Variants in UBR3 observed in about 807,000 individuals in gnomAD.
UBR3 encodes the protein E3 ubiquitin-protein ligase UBR3.
Under a neutral mutation model 243.2 loss-of-function variants are expected in UBR3, and 85 were observed. That is an observed-to-expected ratio of 0.35 (90% CI 0.29 to 0.42). UBR3 has a LOEUF of 0.42. UBR3 is among the 10% of genes least tolerant of loss of function. The pLI is 1.00. For synonymous variants in UBR3, 748 were observed against 799.8 expected, an observed-to-expected ratio of 0.94 and a Z score of 1.09; for missense variants, 1,686 against 2,300.8, an observed-to-expected ratio of 0.73 and a Z score of 5.47.
At chr2:170,033,655 T>G (rs1198336630) in intron 31 of UBR3, among the ~76,000 whole-genome samples, 10 of 146,742 alleles carry the variant, frequency 6.8e-5, no homozygotes, top group Non-Finnish European at 1.5e-4. Flanking sequence ...AAGAGTTGAT[T>G]ATAATATGTC....
intron 1 of UBR3, among the ~76,000 whole-genome samples, chr2:169,859,701 TTTA>T: frequency 4.6e-5 from 1 of 21,606 alleles, no homozygotes; most frequent in South Asian, 4.0e-3. Flanking sequence ...TGATATTTTA[TTTA>T]TTTATTTATT....
At chr2:170,065,158 T>C (rs1433603354) in intron 35 of UBR3, among the ~76,000 whole-genome samples, 1 of 152,164 alleles carries the variant, frequency 6.6e-6, no homozygotes, top group Non-Finnish European at 1.5e-5. Context: ...TTTATTCTTA[T>C]ATACATTTTT....
intron 1 of UBR3, among the ~76,000 whole-genome samples, chr2:169,851,852 A>AAC (rs1553492564): frequency 3.3e-4 from 50 of 151,016 alleles, no homozygotes; most frequent in African/African-American, 1.2e-3. Context: ...AAAAAAAAAA[A>AAC]AACAACAGTT....
intron 24 of UBR3, among the ~76,000 whole-genome samples, chr2:169,972,238 C>T (rs989515688): frequency 1.4e-4 from 21 of 152,128 alleles, no homozygotes; most frequent in Admixed American, 7.9e-4. Flanking sequence ...TCTGAATAGA[C>T]CAATAACAGG....
At chr2:170,028,290 A>T (rs2090583154) in intron 30 of UBR3, among the ~76,000 whole-genome samples, 1 of 151,812 alleles carries the variant, frequency 6.6e-6, no homozygotes, top group Non-Finnish European at 1.5e-5. Context: ...ACACATGTAC[A>T]CCCCATACTA....
At chr2:169,842,636 G>A (rs1559008083) in intron 1 of UBR3, among the ~76,000 whole-genome samples, 2 of 151,868 alleles carry the variant, frequency 1.3e-5, no homozygotes, top group African/African-American at 4.8e-5. Flanking sequence ...AACTCCAGAC[G>A]CGCTGCCTTA....
At chr2:170,066,835 G>A (rs191532595) in intron 35 of UBR3, among the ~76,000 whole-genome samples, 1 of 152,086 alleles carries the variant, frequency 6.6e-6, no homozygotes, top group African/African-American at 2.4e-5. Flanking sequence ...ATGGTGGCGG[G>A]TGCCTGTAGT....
At chr2:169,898,251 T>A (rs1377839151) in intron 8 of UBR3, among the ~76,000 whole-genome samples, 4 of 152,218 alleles carry the variant, frequency 2.6e-5, no homozygotes, top group Non-Finnish European at 5.9e-5. Flanking sequence ...CAGCTCCTGT[T>A]TTCTCCTTAT....
intron 30 of UBR3, 39 bp from the exon 31 acceptor site, chr2:170,029,307 G>A (rs897245789): frequency 2.6e-6 from 4 of 1,522,138 alleles, no homozygotes; most frequent in South Asian, 1.2e-5. Flanking sequence ...TGTAACAAAT[G>A]TGTGAACTTT....
intron 35 of UBR3, among the ~76,000 whole-genome samples, chr2:170,072,244 A>C (rs2091713719): frequency 6.6e-6 from 1 of 152,214 alleles, no homozygotes; most frequent in African/African-American, 2.4e-5. Flanking sequence ...ATGCAGCCAT[A>C]AAAAAGGATG....
chr2:169,890,540 G>GAGATATATATATATATATAC (rs1553504401), intron 5 of UBR3, among the ~76,000 whole-genome samples: 7 of 76,020 alleles, frequency 9.2e-5, no homozygotes, highest in African/African-American at 4.5e-4. Flanking sequence ...GAGAGAGAGA[G>GAGATATATATATATATATAC]ATATATATAT....
rs2085813539 is a variant in UBR3, at chr2:169,924,153, A to C, written c.2002A>C (p.Ile668Leu). The stretch of plus-strand genomic sequence containing the variant: ...TCAGGAAATGTTAATGAAACTAATG[A>C]TTCACCCACTCCAAATTCAAGTATG... ...PDQEMLMKLM[I>L]HPLQIQASLA... Residue 668 changes from isoleucine to leucine, a missense_variant, in exon 13 of 39, where the codon ATT becomes CTT. Ile to Leu is a conservative substitution (Grantham distance 5). Around this residue, in one of 8 missense-constraint regions of UBR3, gnomAD observed 346 missense variants for 585.8 expected, o/e 0.59. Transcript: ENST00000272793. 1 of 1,546,814 alleles carries C rather than the reference A, an allele frequency of 6.5e-7. No homozygotes were observed. The highest frequency in any genetic ancestry group is 1.4e-5 in the African/African-American group (1 of 72,856).
At chr2:169,847,296 T>A (rs987652767) in intron 1 of UBR3, among the ~76,000 whole-genome samples, 1 of 152,194 alleles carries the variant, frequency 6.6e-6, no homozygotes, top group Non-Finnish European at 1.5e-5. Flanking sequence ...TTTTCTCTTT[T>A]ATGCCTTCTT....
At chr2:170,061,807 C>G (rs1545725) in intron 35 of UBR3, among the ~76,000 whole-genome samples, 7,755 of 152,170 alleles carry the variant, frequency 0.051, 385 homozygotes, top group African/African-American at 0.13. Context: ...TTTAAATATA[C>G]TGGTATGTAG....
intron 19 of UBR3, among the ~76,000 whole-genome samples, chr2:169,936,880 C>A (rs2086359129): frequency 6.6e-6 from 1 of 152,102 alleles, no homozygotes; most frequent in African/African-American, 2.4e-5. Flanking sequence ...CATAGGATTC[C>A]ACGGTGTATA....
At chr2:169,939,601 T>C (rs1010138277) in intron 19 of UBR3, among the ~76,000 whole-genome samples, 1 of 151,104 alleles carries the variant, frequency 6.6e-6, no homozygotes, top group African/African-American at 2.4e-5. Flanking sequence ...TCTCACTCTG[T>C]CTTCCAGGCT....
intron 23 of UBR3, among the ~76,000 whole-genome samples, chr2:169,954,359 GC>G (rs1166825569): frequency 6.6e-6 from 1 of 151,982 alleles, no homozygotes; most frequent in African/African-American, 2.4e-5. Context: ...TCCCGCCTCA[GC>G]CTCCTGAACA....
intron 26 of UBR3, among the ~76,000 whole-genome samples, chr2:170,000,216 T>C (rs962679934): frequency 6.6e-6 from 1 of 152,208 alleles, no homozygotes; most frequent in Non-Finnish European, 1.5e-5. Flanking sequence ...CCCTTCTTTA[T>C]TGTATATTAT....
chr2:169,972,281 C>T (rs1341233404), intron 24 of UBR3, among the ~76,000 whole-genome samples: 2 of 152,112 alleles, frequency 1.3e-5, no homozygotes, highest in East Asian at 3.9e-4. Flanking sequence ...AATAGTTTAC[C>T]AACCAAAAAG....
Sources: gnomAD v4.1 joint callset for allele counts (sites outside exome capture counted in the v4.1 genomes callset) on GRCh38, gnomAD v4.1.1 for gene constraint, gnomAD v4.1.1 regional missense constraint, MANE v1.5 for transcripts, NCBI Gene and HGNC (gene_info 2026-07-23, HGNC 2026-07-21) for gene names.